SVEP1: variants seen among roughly 807,000 people sequenced by gnomAD.
SVEP1 encodes the protein sushi, von Willebrand factor type A, EGF and pentraxin domain containing 1.
A neutral mutation model predicts 367.3 loss-of-function variants in SVEP1; 164 were observed. The observed-to-expected ratio is 0.45, with a 90% CI of 0.39 to 0.51. The LOEUF is 0.51. Among genes scored for constraint, SVEP1 ranks in the 20% least tolerant of loss-of-function variants. The pLI, the probability that SVEP1 is intolerant of heterozygous loss-of-function variation, is 0.00. For synonymous variants in SVEP1, 1,666 were observed against 1,611.6 expected, an observed-to-expected ratio of 1.03 and a Z score of -0.81; for missense variants, 4,117 against 4,425.3, an observed-to-expected ratio of 0.93 and a Z score of 1.98.
intron 8 of SVEP1, among the ~76,000 whole-genome samples, 197 bp from the exon 9 acceptor site, chr9:110,489,976 A>G (rs73655384): frequency 0.028 from 4,295 of 152,280 alleles, 194 homozygotes; most frequent in African/African-American, 0.098. Flanking sequence ...CATATGAAAT[A>G]TTTCTCCTTG....
At chr9:110,368,250 C>G (rs889564927) in intron 47 of SVEP1, among the ~76,000 whole-genome samples, 2 of 152,178 alleles carry the variant, frequency 1.3e-5, no homozygotes, top group Admixed American at 1.3e-4. Context: ...AACCACTCCT[C>G]TGTCCTTGGG....
At chr9:110,458,826 A>G (rs1201155646) in intron 19 of SVEP1, 126 bp downstream of exon 19, 1 of 1,190,698 alleles carries the variant, frequency 8.4e-7, no homozygotes, top group Non-Finnish European at 1.2e-6. Context: ...CCTCAGAAGG[A>G]CAATTTAACA....
chr9:110,416,057 A>T (rs1828116241), intron 36 of SVEP1, among the ~76,000 whole-genome samples: 1 of 151,960 alleles, frequency 6.6e-6, no homozygotes, highest in Non-Finnish European at 1.5e-5. Flanking sequence ...GTAGAAAAAA[A>T]ATCTACATAC....
intron 16 of SVEP1, 75 bp downstream of exon 16, chr9:110,471,289 G>T: frequency 8.4e-7 from 1 of 1,189,502 alleles, no homozygotes; most frequent in Non-Finnish European, 1.2e-6. Context: ...TCCCTTTATA[G>T]TTGTAAAATG....
At chr9:110,458,817 C>T (rs1273036455) in intron 19 of SVEP1, 135 bp downstream of exon 19, 2 of 1,117,144 alleles carry the variant, frequency 1.8e-6, no homozygotes, top group Non-Finnish European at 2.5e-6. Context: ...TCAAAAATAC[C>T]TCAGAAGGAC....
rs565076392 is a variant in SVEP1, at chr9:110,501,786, TAAGC to T, written c.1483+1248_1483+1251del. On this transcript the variant is annotated intron_variant, in intron 6 of 47. Coordinates refer to ENST00000374469, the MANE Select transcript of SVEP1 (RefSeq NM_153366.4). ...TAATGAATGAATTTTTATCTTCTAC[TAAGC>T]AACCATACAATTTTCTTCCAATTTG... Among the ~76,000 whole-genome samples the T allele has an allele frequency of 1.4e-3, 208 of 152,308 alleles. 2 individuals carry two copies. The highest frequency in any genetic ancestry group is 2.4e-3 in the Non-Finnish European group (160 of 68,018).
rs190424580 is a variant in SVEP1 at position 110,469,497 on chromosome 9, C to A, written c.2999-396G>T. The stretch of plus-strand genomic sequence containing the variant: ...GGATTTCAGATACTACAAACATTTT[C>A]TTAGTTGTTTCTCTGAATGCTTCCC... On this transcript the variant is annotated intron_variant, in intron 16 of 47. Transcript: ENST00000374469. 7.7e-4 allele frequency among the ~76,000 whole-genome samples: 118 copies of A among 152,278 alleles called. 1 individual carries two copies. The highest frequency in any genetic ancestry group is 2.5e-3 in the African/African-American group (103 of 41,576).
At chr9:110,423,207 A>G (rs898425657) in intron 36 of SVEP1, among the ~76,000 whole-genome samples, 15 of 149,968 alleles carry the variant, frequency 1.0e-4, no homozygotes, top group South Asian at 2.1e-4. Context: ...AAAATTGTCA[A>G]TGTAGATTTG....
At chr9:110,508,916 T>C (rs370573642) in intron 5 of SVEP1, among the ~76,000 whole-genome samples, 1 of 152,148 alleles carries the variant, frequency 6.6e-6, no homozygotes, top group South Asian at 2.1e-4. Flanking sequence ...CAATGTAACA[T>C]GATATTTGTA....
chr9:110,391,244 G>A (rs1476164437), intron 40 of SVEP1, among the ~76,000 whole-genome samples: 1 of 150,362 alleles, frequency 6.7e-6, no homozygotes, highest in East Asian at 1.9e-4. Flanking sequence ...CAAATGTACA[G>A]CAACCTGATG....
At chr9:110,466,748 G>C (rs1323914599) in intron 17 of SVEP1, among the ~76,000 whole-genome samples, 1 of 18,508 alleles carries the variant, frequency 5.4e-5, no homozygotes, top group African/African-American at 2.5e-4. Flanking sequence ...GCGACAGAGC[G>C]AGACTCCATC....
intron 28 of SVEP1, 23 bp from the exon 29 acceptor site, chr9:110,435,387 G>C (rs1484791888): frequency 6.2e-7 from 1 of 1,610,846 alleles, no homozygotes. Context: ...TAACACTTTA[G>C]ATAAGCCTTA....
At chr9:110,509,244 G>A (rs1010005921) in intron 5 of SVEP1, among the ~76,000 whole-genome samples, 2 of 152,184 alleles carry the variant, frequency 1.3e-5, no homozygotes, top group African/African-American at 4.8e-5. Context: ...TTTAAAAAAT[G>A]TGTTTCAGAT....
Position 110,411,280 on chromosome 9 carries a change from A to G in SVEP1, c.6431T>C (p.Val2144Ala). The change falls in exon 37 of 48, where the codon GTG becomes GCG. Residue 2144 changes from valine (V) to alanine (A), a missense_variant. Physicochemically the swap from Val to Ala is moderately conservative, Grantham distance 64 (BLOSUM62 0). Around this residue, in one of 4 missense-constraint regions of SVEP1, gnomAD observed 1,765 missense variants for 1,781.1 expected, o/e 0.99. Transcript: ENST00000374469. The stretch of plus-strand genomic sequence containing the variant: ...GATGCTTGGTGGCTCTCCACACCGC[A>G]CAGGGATGCACTGGATGGACATGGG... ...PSPMSIQCIP[V>A]RCGEPPSIMN... 6.2e-7 allele frequency: 1 copy of G among 1,614,002 alleles called. No homozygotes were observed. The highest frequency in any genetic ancestry group is 1.1e-5 in the South Asian group (1 of 91,084).
chr9:110,414,858 A>AATC (rs1828094003), intron 36 of SVEP1, among the ~76,000 whole-genome samples: 2 of 152,174 alleles, frequency 1.3e-5, no homozygotes, highest in South Asian at 4.1e-4. Flanking sequence ...TTATGTTTTC[A>AATC]ATCATAAAGA....
At position 110,424,864 on chromosome 9, in the gene SVEP1, G is replaced by T. The variant is rs369947398; in HGVS notation, c.5975+2727C>A. On this transcript the variant is annotated intron_variant, in intron 36 of 47. Transcript: ENST00000374469. Reference sequence around the variant, plus strand: ...TAATTTTGTCTTTCTAGTGGAGACAGGGTTTCACCATGTTGGTCAGGCTGG... The same window carrying T: ...TAATTTTGTCTTTCTAGTGGAGACATGGTTTCACCATGTTGGTCAGGCTGG... 5.0e-4 allele frequency among the ~76,000 whole-genome samples: 76 copies of T among 152,312 alleles called. No individual in the cohort carries two copies. In the East Asian group the frequency reaches 7.5e-3, roughly 15 times the overall value.
chr9:110,389,978 T>TATATGAATCATAGTGTATCATAATA (rs1554710662), intron 40 of SVEP1, among the ~76,000 whole-genome samples: 2 of 147,012 alleles, frequency 1.4e-5, no homozygotes, highest in Admixed American at 6.8e-5. Context: ...AGAGTACTAT[T>TATATGAATCATAGTGTATCATAATA]TGGCCATAAA....
At chr9:110,391,791 G>C (rs1479295954) in intron 40 of SVEP1, among the ~76,000 whole-genome samples, 2 of 152,102 alleles carry the variant, frequency 1.3e-5, no homozygotes, top group African/African-American at 4.8e-5. Flanking sequence ...TTCTGGATGT[G>C]TCTGTGAGGA....
chr9:110,541,555 A>C (rs1211514656), intron 3 of SVEP1, among the ~76,000 whole-genome samples: 6 of 152,110 alleles, frequency 3.9e-5, no homozygotes, highest in African/African-American at 1.4e-4. Flanking sequence ...TACTTGAAGT[A>C]ATTATCTTAA....
Sources: allele counts gnomAD v4.1 joint callset (sites outside exome capture counted in the v4.1 genomes callset), GRCh38; gene constraint gnomAD v4.1.1; regional missense constraint gnomAD v4.1.1; transcripts MANE v1.5; gene names NCBI Gene and HGNC (gene_info 2026-07-23, HGNC 2026-07-21).